VIP: variants seen among roughly 807,000 people sequenced by gnomAD.
VIP encodes the protein vasoactive intestinal peptide, also known as VIP peptides.
VIP carries 18 observed loss-of-function variants against 20.1 expected under a neutral mutation model. That is an observed-to-expected ratio of 0.90 (90% CI 0.62 to 1.33). VIP has a LOEUF of 1.33. Ranked by LOEUF, VIP falls within the 40% of genes most tolerant of loss-of-function variation. The pLI is 0.00. For synonymous variants in VIP, 70 were observed against 68.1 expected (o/e 1.03, Z -0.14); for missense variants, 209 against 199.4 (o/e 1.05, Z -0.29).
chr6:152,757,905 A>G (rs1164884135), intron 6 of VIP, among the ~76,000 whole-genome samples: 2 of 151,970 alleles, frequency 1.3e-5, no homozygotes, highest in Non-Finnish European at 2.9e-5. Flanking sequence ...TTACATTAAT[A>G]TTCACATTCG....
intron 1 of VIP, 33 bp from the exon 2 acceptor site, chr6:152,752,135 G>A (rs777027749): frequency 6.5e-7 from 1 of 1,530,152 alleles, no homozygotes; most frequent in Non-Finnish European, 9.0e-7. Flanking sequence ...GACATCTTTG[G>A]CTGGAAGAAC....
At chr6:152,758,521 A>G (rs1042422111) in intron 6 of VIP, among the ~76,000 whole-genome samples, 1 of 152,070 alleles carries the variant, frequency 6.6e-6, no homozygotes, top group South Asian at 2.1e-4. Flanking sequence ...GCACTAAAAT[A>G]TAAAGGAGAA....
intron 1 of VIP, among the ~76,000 whole-genome samples, chr6:152,751,713 A>G (rs2099729667): frequency 6.6e-6 from 1 of 152,160 alleles, no homozygotes; most frequent in Non-Finnish European, 1.5e-5. Flanking sequence ...ATATTTATAC[A>G]TTTGCACACA....
chr6:152,754,527 G>A (rs1565405034), intron 3 of VIP, among the ~76,000 whole-genome samples: 2 of 151,872 alleles, frequency 1.3e-5, no homozygotes, highest in Admixed American at 6.6e-5. Flanking sequence ...CCATTCTGTT[G>A]CACATAATTC....
rs1288883638 is a variant in VIP at position 152,759,576 on chromosome 6, G to A, written c.*710G>A. ...CCCTTTCTGCTTGTGTTAAGTATGT[G>A]TAAAATGTGAAGTGAATGAAACACT... On this transcript the variant is annotated 3_prime_UTR_variant, in exon 7 of 7. Coordinates refer to ENST00000367244, the MANE Select transcript of VIP (RefSeq NM_003381.4). The A allele has an allele frequency of 6.6e-6, 1 of 151,766 alleles. No homozygotes were observed. Among genetic ancestry groups the A allele is most frequent in the Non-Finnish European group, 1.5e-5 (1 of 67,922 alleles). 9.4% of individuals were successfully genotyped at this position (151,766 alleles called of 1,614,324 possible). A position where few individuals can be genotyped will look rare whatever the true frequency, so the allele number is the denominator to read the frequency against.
At chr6:152,754,022 A>G in intron 2 of VIP, 144 bp from the exon 3 acceptor site, 1 of 864,808 alleles carries the variant, frequency 1.2e-6, no homozygotes, top group South Asian at 2.6e-5. Context: ...TATATGAGCC[A>G]TTAAGTCAAA....
chr6:152,756,754 T>G (rs752054942), intron 5 of VIP, among the ~76,000 whole-genome samples: 1 of 151,978 alleles, frequency 6.6e-6, no homozygotes, highest in Admixed American at 6.6e-5. Flanking sequence ...TATCTCTCTA[T>G]GGTGTGTAAA....
intron 2 of VIP, among the ~76,000 whole-genome samples, chr6:152,753,605 A>T (rs2099729972): frequency 6.6e-6 from 1 of 152,104 alleles, no homozygotes; most frequent in South Asian, 2.1e-4. Context: ...CTATGGAGAC[A>T]TTCTTTGAAC....
chr6:152,753,499 C>T (rs75088286), intron 2 of VIP, among the ~76,000 whole-genome samples: 167 of 152,126 alleles, frequency 1.1e-3, no homozygotes, highest in African/African-American at 3.8e-3. Context: ...CATTGTACAT[C>T]CCTTATTAAA....
rs1583996019 is a variant in VIP, at chr6:152,754,164, A to G, written c.108-2A>G. 6.2e-7 allele frequency: 1 copy of G among 1,608,150 alleles called. No homozygotes were observed. Among genetic ancestry groups the G allele is most frequent in the Non-Finnish European group, 8.5e-7 (1 of 1,177,292 alleles). On this transcript the variant is annotated splice_acceptor_variant, in intron 2 of 6. Coordinates refer to ENST00000367244, the MANE Select transcript of VIP (RefSeq NM_003381.4). LOFTEE classifies it high-confidence loss of function. The stretch of plus-strand genomic sequence containing the variant: ...TTATTCTCGTGTAACTTTCCCCATC[A>G]GGTTGGGTGACAGAATACCCTTTGA...
In VIP at chr6:152,755,383, A is replaced by G; in HGVS notation, c.335+10A>G. 2 of 1,443,048 alleles carry G rather than the reference A, an allele frequency of 1.4e-6. No homozygotes were observed. The highest frequency in any genetic ancestry group is 1.4e-5 in the South Asian group (1 of 71,058). 89.4% of individuals were successfully genotyped at this position (1,443,048 alleles called of 1,614,324 possible). ...TGGGAAAACGTGTTAGGTAAAGAGA[A>G]TTTATTATTTTTATAAAATATGTTA... On this transcript the variant is annotated intron_variant, in intron 4 of 6. Transcript: ENST00000367244.
intron 1 of VIP, 91 bp from the exon 2 acceptor site, chr6:152,752,077 A>G: frequency 1.2e-6 from 1 of 820,722 alleles, no homozygotes; most frequent in East Asian, 2.6e-5. Context: ...CAAACTCTGC[A>G]AGAGCCATTG....
At chr6:152,757,383 G>A (rs2099730587) in intron 6 of VIP, among the ~76,000 whole-genome samples, 199 bp downstream of exon 6, 1 of 151,828 alleles carries the variant, frequency 6.6e-6, no homozygotes. Context: ...TTTTGATCTT[G>A]TAAAAGAGAG....
rs543767379 is a variant in VIP at position 152,756,365 on chromosome 6, T to C, written c.467+100T>C. 13 of 1,323,950 alleles carry C rather than the reference T, an allele frequency of 9.8e-6. No homozygotes were observed. In the East Asian group the frequency reaches 3.2e-4, roughly 33 times the overall value. The allele number at this position is 1,323,950 out of a possible 1,614,324, so 82.0% of individuals were successfully genotyped here. A position where few individuals can be genotyped will look rare whatever the true frequency, so the allele number is the denominator to read the frequency against. On this transcript the variant is annotated intron_variant, in intron 5 of 6. Coordinates refer to ENST00000367244, the MANE Select transcript of VIP (RefSeq NM_003381.4). Reference sequence around the variant, plus strand: ...CTCTATCTCACTTATCTAGCTATACTACGTGAAGCAGTGATTTTCAACCTT... The same window carrying C: ...CTCTATCTCACTTATCTAGCTATACCACGTGAAGCAGTGATTTTCAACCTT...
rs199737255 is a variant in VIP at position 152,752,059 on chromosome 6, A to C, written c.-10-109A>C. The C allele has an allele frequency of 2.7e-5, 17 of 633,870 alleles. No homozygotes were observed. In the East Asian group the frequency reaches 4.7e-4, roughly 18 times the overall value. The allele number at this position is 633,870 out of a possible 1,614,324, so 39.3% of individuals were successfully genotyped here. On this transcript the variant is annotated intron_variant, in intron 1 of 6. Coordinates refer to ENST00000367244, the MANE Select transcript of VIP (RefSeq NM_003381.4). ...TAACTCTTTCTACAAGATGAAAATTACTCTTTACAAACTCTGCAAGAGCCA... is the reference window on the plus strand; with the variant it reads ...TAACTCTTTCTACAAGATGAAAATTCCTCTTTACAAACTCTGCAAGAGCCA...
rs114063463 is a variant in VIP at position 152,752,297 on chromosome 6, T to C, written c.107+13T>C. ...CTTCTGCTCTCAGGTAAGTTCCCTTTCAATTCAAACATCTGAACATTCCTT... is the reference window on the plus strand; with the variant it reads ...CTTCTGCTCTCAGGTAAGTTCCCTTCCAATTCAAACATCTGAACATTCCTT... On this transcript the variant is annotated intron_variant, in intron 2 of 6. Transcript: ENST00000367244. 994 of 1,601,110 alleles carry C rather than the reference T, an allele frequency of 6.2e-4. 10 individuals carry two copies. The African/African-American group carries it at 0.011, about 18-fold the overall frequency.
intron 6 of VIP, among the ~76,000 whole-genome samples, chr6:152,758,150 A>G (rs1179346396): frequency 6.6e-6 from 1 of 152,000 alleles, no homozygotes; most frequent in Non-Finnish European, 1.5e-5. Flanking sequence ...TAAAACCTGA[A>G]GGTGAGCCAG....
intron 3 of VIP, among the ~76,000 whole-genome samples, chr6:152,754,673 C>G (rs2099730136): frequency 6.6e-6 from 1 of 151,906 alleles, no homozygotes; most frequent in African/African-American, 2.4e-5. Context: ...AGCTGTTTGT[C>G]TAGAGCATCA....
chr6:152,757,799 T>C (rs1053362412), intron 6 of VIP, among the ~76,000 whole-genome samples: 1 of 152,108 alleles, frequency 6.6e-6, no homozygotes, highest in Admixed American at 6.6e-5. Flanking sequence ...AGAAAAAACA[T>C]GGATAGACTT....
Sources: allele counts gnomAD v4.1 joint callset (sites outside exome capture counted in the v4.1 genomes callset), GRCh38; gene constraint gnomAD v4.1.1; transcripts MANE v1.5; gene names NCBI Gene and HGNC (gene_info 2026-07-23, HGNC 2026-07-21).